Variants in SKAP1 observed in about 807,000 individuals in gnomAD.
SKAP1 encodes src kinase associated phosphoprotein 1.
In SKAP1, 44 loss-of-function variants were observed where a neutral mutation model predicts 58.5. That is an observed-to-expected ratio of 0.75 (90% CI 0.59 to 0.97). The LOEUF (loss-of-function observed/expected upper bound fraction) is 0.97. Among genes scored for constraint, SKAP1 ranks in the 50% least tolerant of loss-of-function variants. The probability of loss-of-function intolerance (pLI) is 0.00; values close to 1 mark genes in which losing one functional copy is unlikely to be tolerated. For missense variants in SKAP1, 390 were observed against 435.2 expected (o/e 0.90, Z 0.92); for synonymous variants, 127 against 149.7 (o/e 0.85, Z 1.11).
chr17:48,214,934 A>AATAAAATAAAATAAAATAAAATAAG (rs2064919913), intron 4 of SKAP1, among the ~76,000 whole-genome samples: 1 of 147,426 alleles, frequency 6.8e-6, no homozygotes, highest in Admixed American at 6.8e-5. Flanking sequence ...AATAAAGTAA[A>AATAAAATAAAATAAAATAAAATAAG]ATAAAATAAA....
chr17:48,333,661 T>C (rs1228045978), intron 4 of SKAP1, among the ~76,000 whole-genome samples: 1 of 152,090 alleles, frequency 6.6e-6, no homozygotes, highest in Non-Finnish European at 1.5e-5. Context: ...ACCAAATTAA[T>C]ATATTTAGAG....
At chr17:48,346,362 G>A (rs979742309) in intron 3 of SKAP1, among the ~76,000 whole-genome samples, 2 of 152,132 alleles carry the variant, frequency 1.3e-5, no homozygotes, top group East Asian at 1.9e-4. Context: ...GGTGGGTCAC[G>A]CCTGTAATCC....
At chr17:48,145,128 GCA>G (rs2063812798) in intron 11 of SKAP1, among the ~76,000 whole-genome samples, 1 of 152,034 alleles carries the variant, frequency 6.6e-6, no homozygotes, top group Non-Finnish European at 1.5e-5. Flanking sequence ...TCTAAAATAA[GCA>G]CAGTGTATGG....
intron 4 of SKAP1, among the ~76,000 whole-genome samples, chr17:48,317,478 G>T (rs570324132): frequency 6.6e-6 from 1 of 152,210 alleles, no homozygotes; most frequent in Admixed American, 6.5e-5. Flanking sequence ...CAAAGGTTTG[G>T]ACTAGCAAAG....
At chr17:48,305,853 C>T (rs1003487141) in intron 4 of SKAP1, among the ~76,000 whole-genome samples, 4 of 152,130 alleles carry the variant, frequency 2.6e-5, no homozygotes, top group African/African-American at 9.7e-5. Context: ...CATTATATTG[C>T]CTTTTTTATT....
In SKAP1 at chr17:48,170,654, C is replaced by T. The variant is rs151249688; in HGVS notation, c.832G>A (p.Glu278Lys). The stretch of plus-strand genomic sequence containing the variant: ...CTCTCATCCTCTTCTAGATCATGCT[C>T]TTCATCTGGGGGGATAAATGATCAG... The part of the protein sequence containing the change: ...EDIYEVLPDE[E>K]HDLEEDESGT... Residue 278 changes from glutamate to lysine, a missense_variant, in exon 10 of 13, where the codon GAG becomes AAG. Physicochemically the swap from Glu to Lys is moderately conservative, Grantham distance 56. Transcript: ENST00000336915. 3 of 1,613,124 alleles carry T rather than the reference C, an allele frequency of 1.9e-6. No individual in the cohort carries two copies. Among genetic ancestry groups the T allele is most frequent in the Middle Eastern group, 1.7e-4 (1 of 6,054 alleles).
intron 4 of SKAP1, among the ~76,000 whole-genome samples, chr17:48,207,449 A>G (rs529362903): frequency 1.0e-4 from 15 of 150,000 alleles, no homozygotes; most frequent in Non-Finnish European, 2.2e-4. Flanking sequence ...TTGCGCCACT[A>G]CACTCCAGTC....
At chr17:48,278,214 C>G (rs1011648400) in intron 4 of SKAP1, among the ~76,000 whole-genome samples, 2 of 152,110 alleles carry the variant, frequency 1.3e-5, no homozygotes, top group Non-Finnish European at 2.9e-5. Context: ...ATCTCTATCC[C>G]CCATTAGGCA....
chr17:48,348,110 C>A (rs2066747114), intron 3 of SKAP1, among the ~76,000 whole-genome samples: 1 of 151,994 alleles, frequency 6.6e-6, no homozygotes, highest in Non-Finnish European at 1.5e-5. Context: ...GAGGCCAAGG[C>A]AGGTGGATGG....
At chr17:48,242,184 G>A (rs16954268) in intron 4 of SKAP1, among the ~76,000 whole-genome samples, 17,000 of 152,256 alleles carry the variant, frequency 0.11, 1,014 homozygotes, top group East Asian at 0.18. Flanking sequence ...TTCCAGCAGG[G>A]AAAGAGGCTC....
chr17:48,428,984 A>G (rs1035017335), intron 1 of SKAP1, among the ~76,000 whole-genome samples: 4 of 152,244 alleles, frequency 2.6e-5, no homozygotes, highest in African/African-American at 9.6e-5. Flanking sequence ...ACAGACAGAG[A>G]CCAAAAGGAC....
chr17:48,281,482 C>T (rs982521405), intron 4 of SKAP1, among the ~76,000 whole-genome samples: 6 of 152,218 alleles, frequency 3.9e-5, no homozygotes, highest in African/African-American at 1.4e-4. Context: ...ACATCAAATG[C>T]TGCTCATTTA....
chr17:48,189,282 T>A, intron 5 of SKAP1, 141 bp downstream of exon 5: 1 of 646,644 alleles, frequency 1.5e-6, no homozygotes. Context: ...CAGACTCCTT[T>A]CCTTTCCTTG....
At chr17:48,367,850 G>A (rs1374859828) in intron 2 of SKAP1, among the ~76,000 whole-genome samples, 1 of 151,130 alleles carries the variant, frequency 6.6e-6, no homozygotes, top group Non-Finnish European at 1.5e-5. Context: ...AGGATGTTGA[G>A]GTTGCAGTAA....
chr17:48,379,682 C>CT (rs397856911), intron 2 of SKAP1, among the ~76,000 whole-genome samples: 17,479 of 123,978 alleles, frequency 0.14, 1,961 homozygotes, highest in African/African-American at 0.3. Context: ...GTATCTTCTT[C>CT]TTTTTTTTTT....
At chr17:48,355,973 G>A (rs140350426) in intron 3 of SKAP1, among the ~76,000 whole-genome samples, 2 of 152,224 alleles carry the variant, frequency 1.3e-5, no homozygotes, top group Non-Finnish European at 2.9e-5. Context: ...AAAATAAATA[G>A]GCCAGGAGCA....
At chr17:48,438,845 G>A in the SKAP1 span, among the ~76,000 whole-genome samples, 10 of 152,202 alleles carry the variant, frequency 6.6e-5, no homozygotes, top group Non-Finnish European at 1.2e-4. Flanking sequence ...GAAGGGCTGG[G>A]GTTGTGGCAG....
intron 4 of SKAP1, among the ~76,000 whole-genome samples, chr17:48,191,108 T>C (rs1271724701): frequency 6.6e-6 from 1 of 152,254 alleles, no homozygotes; most frequent in East Asian, 1.9e-4. Context: ...GGCTTTCAAT[T>C]AGCCTTGTTA....
intron 6 of SKAP1, 40 bp downstream of exon 6, chr17:48,187,803 C>G: frequency 7.0e-7 from 1 of 1,421,808 alleles, no homozygotes. Flanking sequence ...GTGTTTGCAT[C>G]CAGGAGTGAG....
Sources: gnomAD v4.1 joint callset for allele counts (sites outside exome capture counted in the v4.1 genomes callset) on GRCh38, gnomAD v4.1.1 for gene constraint, MANE v1.5 for transcripts, NCBI Gene and HGNC (gene_info 2026-07-23, HGNC 2026-07-21) for gene names.